The following CNTNAP5 variants were observed in gnomAD, a reference collection of about 807,000 sequenced individuals.
The protein encoded by CNTNAP5 is contactin-associated protein-like 5.
CNTNAP5 carries 72 observed loss-of-function variants against 150.2 expected under a neutral mutation model. The ratio of observed to expected loss-of-function variants is 0.48; its 90% CI spans 0.40 to 0.58. The LOEUF is 0.58. Ranked by LOEUF, CNTNAP5 falls within the 20% of genes least tolerant of loss-of-function variation. CNTNAP5 has a pLI of 0.00. For missense variants in CNTNAP5, 1,636 were observed against 1,626.2 expected (o/e 1.01, Z -0.10); for synonymous variants, 672 against 619.8 (o/e 1.08, Z -1.25).
chr2:124,530,561 C>T (rs1695081558), intron 10 of CNTNAP5, among the ~76,000 whole-genome samples: 1 of 152,126 alleles, frequency 6.6e-6, no homozygotes, highest in South Asian at 2.1e-4. Context: ...CAATGTGCAT[C>T]TCAGGGATGG....
At chr2:124,137,044 C>A (rs1376574800) in intron 1 of CNTNAP5, among the ~76,000 whole-genome samples, 5 of 152,130 alleles carry the variant, frequency 3.3e-5, no homozygotes, top group Non-Finnish European at 5.9e-5. Flanking sequence ...ACACTCTTTC[C>A]TTCAGCATGA....
chr2:124,671,785 G>A (rs1358662540), intron 13 of CNTNAP5, among the ~76,000 whole-genome samples: 2 of 152,070 alleles, frequency 1.3e-5, no homozygotes, highest in East Asian at 3.9e-4. Context: ...GATTACAGGT[G>A]TGCACCACCA....
At chr2:124,682,138 C>T (rs886467417) in intron 13 of CNTNAP5, among the ~76,000 whole-genome samples, 1 of 152,102 alleles carries the variant, frequency 6.6e-6, no homozygotes, top group Non-Finnish European at 1.5e-5. Flanking sequence ...AGGTCTTTTT[C>T]GGCATGTACA....
intron 11 of CNTNAP5, among the ~76,000 whole-genome samples, chr2:124,580,412 C>A (rs1696384665): frequency 6.6e-6 from 1 of 152,254 alleles, no homozygotes; most frequent in Non-Finnish European, 1.5e-5. Context: ...TCAAATAAGG[C>A]AGATGCCAAG....
At chr2:124,901,000 C>A (rs558540573) in intron 21 of CNTNAP5, among the ~76,000 whole-genome samples, 1 of 151,652 alleles carries the variant, frequency 6.6e-6, no homozygotes, top group Non-Finnish European at 1.5e-5. Flanking sequence ...TAATGCTCAT[C>A]ATACCAAACA....
intron 8 of CNTNAP5, among the ~76,000 whole-genome samples, chr2:124,511,928 GT>G (rs11301671): frequency 0.78 from 110,440 of 141,864 alleles, 42,806 homozygotes; most frequent in East Asian, 0.99. Flanking sequence ...CCTGAATAGG[GT>G]TTTTTTTTTT....
intron 3 of CNTNAP5, among the ~76,000 whole-genome samples, chr2:124,408,785 A>G (rs1691665922): frequency 6.6e-6 from 1 of 151,946 alleles, no homozygotes; most frequent in African/African-American, 2.4e-5. Context: ...AAAGATGGGG[A>G]AAAAACAGAA....
intron 3 of CNTNAP5, among the ~76,000 whole-genome samples, chr2:124,416,958 GAC>G (rs1691934335): frequency 2.9e-5 from 1 of 34,116 alleles, no homozygotes; most frequent in Admixed American, 2.9e-4. Flanking sequence ...TTTTTTTTTT[GAC>G]AGAGTCTCCC....
intron 13 of CNTNAP5, among the ~76,000 whole-genome samples, chr2:124,675,093 T>C (rs1209384392): frequency 6.6e-6 from 1 of 152,132 alleles, no homozygotes; most frequent in African/African-American, 2.4e-5. Flanking sequence ...TTCTTCAACT[T>C]TTTTTGTGCA....
chr2:124,355,805 A>C (rs1287855964), intron 3 of CNTNAP5, among the ~76,000 whole-genome samples: 1 of 152,196 alleles, frequency 6.6e-6, no homozygotes, highest in Non-Finnish European at 1.5e-5. Context: ...GCATTTACTG[A>C]AAATGATAAA....
At chr2:124,797,952 A>G in intron 18 of CNTNAP5, 144 bp from the exon 19 acceptor site, 1 of 628,058 alleles carries the variant, frequency 1.6e-6, no homozygotes, top group Non-Finnish European at 2.8e-6. Context: ...CCACTTCAAA[A>G]TTATTGTGGG....
chr2:124,135,783 TTGTG>T (rs1033611581), intron 1 of CNTNAP5, among the ~76,000 whole-genome samples: 1 of 152,244 alleles, frequency 6.6e-6, no homozygotes, highest in Non-Finnish European at 1.5e-5. Context: ...GTTTTGTGTT[TTGTG>T]TGTGTGTATT....
At chr2:124,308,582 G>A (rs1451930407) in intron 3 of CNTNAP5, among the ~76,000 whole-genome samples, 3 of 152,174 alleles carry the variant, frequency 2.0e-5, no homozygotes, top group Admixed American at 1.3e-4. Context: ...GTTAGCAAAG[G>A]AAAAGCACAT....
rs7565563 is a variant in CNTNAP5, at chr2:124,070,397, A to G, written c.82+44665A>G. 8.5e-3 allele frequency among the ~76,000 whole-genome samples: 156 copies of G among 18,452 alleles called. 1 individual carries two copies. Among genetic ancestry groups the G allele is most frequent in the African/African-American group, 0.017 (86 of 5,172 alleles). The allele number at this position is 18,452 out of a possible 152,430, so 12.1% of individuals were successfully genotyped here. A position where few individuals can be genotyped will look rare whatever the true frequency, so the allele number is the denominator to read the frequency against. On this transcript the variant is annotated intron_variant, in intron 1 of 23. Transcript: ENST00000682447. ...AGAGAAACAGAGTGGCTGAATGGGG[A>G]AAAAAAAAAAAAAAAAAAAAAAGCA...
intron 16 of CNTNAP5, among the ~76,000 whole-genome samples, chr2:124,765,993 C>T (rs1048348031): frequency 6.6e-6 from 1 of 151,912 alleles, no homozygotes; most frequent in Non-Finnish European, 1.5e-5. Flanking sequence ...TAAAAATAAA[C>T]AGTAGCTTCA....
intron 12 of CNTNAP5, among the ~76,000 whole-genome samples, chr2:124,622,122 C>T (rs1677629505): frequency 6.7e-6 from 1 of 150,180 alleles, no homozygotes; most frequent in Non-Finnish European, 1.5e-5. Context: ...CACCCCCGAA[C>T]CCCCACCCTT....
intron 13 of CNTNAP5, among the ~76,000 whole-genome samples, chr2:124,729,922 T>C (rs963292591): frequency 6.6e-6 from 1 of 152,158 alleles, no homozygotes; most frequent in Non-Finnish European, 1.5e-5. Flanking sequence ...TAACTATTTC[T>C]GTCAGCTGAA....
intron 11 of CNTNAP5, among the ~76,000 whole-genome samples, chr2:124,590,220 C>T (rs1309019312): frequency 6.6e-6 from 1 of 152,090 alleles, no homozygotes; most frequent in Non-Finnish European, 1.5e-5. Context: ...GTCTCACATA[C>T]CCTATTATAG....
chr2:124,745,663 C>T (rs1484527947), intron 13 of CNTNAP5, among the ~76,000 whole-genome samples: 1 of 152,142 alleles, frequency 6.6e-6, no homozygotes, highest in Non-Finnish European at 1.5e-5. Context: ...TAAAAGAACA[C>T]ACTGGTTAAC....
Sources: gnomAD v4.1 joint callset for allele counts (sites outside exome capture counted in the v4.1 genomes callset) on GRCh38, gnomAD v4.1.1 for gene constraint, MANE v1.5 for transcripts, NCBI Gene and HGNC (gene_info 2026-07-23, HGNC 2026-07-21) for gene names.